AVL9: variants seen among roughly 807,000 people sequenced by gnomAD.
AVL9 encodes late secretory pathway protein AVL9 homolog.
In AVL9, 49 loss-of-function variants were observed where a neutral mutation model predicts 79.2. The observed-to-expected ratio is 0.62, with a 90% CI of 0.49 to 0.79. The LOEUF (loss-of-function observed/expected upper bound fraction) is 0.79. Ranked by LOEUF, AVL9 falls within the 30% of genes least tolerant of loss-of-function variation. The pLI is 0.00. For synonymous variants in AVL9, 299 were observed against 280.6 expected (o/e 1.07, Z -0.65); for missense variants, 682 against 776.8 (o/e 0.88, Z 1.45).
chr7:32,573,066 A>T (rs1221626597), intron 11 of AVL9, 133 bp from the exon 12 acceptor site: 5 of 658,456 alleles, frequency 7.6e-6, no homozygotes, highest in Non-Finnish European at 1.0e-5. Context: ...TCTTTCTTAG[A>T]CTCACCTTTT....
chr7:32,535,545 C>A (rs1788864484), intron 1 of AVL9: 1 of 152,192 alleles, frequency 6.6e-6, no homozygotes, highest in Admixed American at 6.5e-5. Context: ...ACTCACTACC[C>A]ACATTGCAGA....
chr7:32,503,578 T>C (rs1308942360), intron 1 of AVL9, among the ~76,000 whole-genome samples: 6 of 111,028 alleles, frequency 5.4e-5, no homozygotes, highest in Admixed American at 8.7e-5. Context: ...AAAAAAAAAC[T>C]AGATTTGAAA....
intron 1 of AVL9, among the ~76,000 whole-genome samples, chr7:32,515,790 G>A (rs1257836121): frequency 6.6e-6 from 1 of 151,974 alleles, no homozygotes; most frequent in Non-Finnish European, 1.5e-5. Context: ...CATCAGATTT[G>A]ACCAATTCTG....
intron 11 of AVL9, among the ~76,000 whole-genome samples, chr7:32,571,850 A>G (rs192885109): frequency 3.2e-3 from 491 of 152,202 alleles, no homozygotes; most frequent in Middle Eastern, 6.8e-3. Context: ...TAGTATATCA[A>G]ATATTACATA....
At chr7:32,522,681 C>T (rs35472409) in intron 1 of AVL9, among the ~76,000 whole-genome samples, 28,062 of 151,854 alleles carry the variant, frequency 0.18, 2,839 homozygotes, top group South Asian at 0.31. Context: ...TGGGAAGGCA[C>T]GATTGGTTTT....
chr7:32,497,739 C>T (rs896852242), intron 1 of AVL9, among the ~76,000 whole-genome samples: 21 of 151,724 alleles, frequency 1.4e-4, no homozygotes, highest in African/African-American at 4.8e-4. Context: ...ACAAGCTCTG[C>T]CTCCTGGGTT....
chr7:32,548,830 C>G lies in AVL9; in HGVS notation c.301-17C>G, dbSNP rs1186195578. 2 of 1,509,202 alleles carry G rather than the reference C, an allele frequency of 1.3e-6. No homozygotes were observed. Among genetic ancestry groups the G allele is most frequent in the Non-Finnish European group, 1.8e-6 (2 of 1,125,212 alleles). The allele number at this position is 1,509,202 out of a possible 1,614,324, so 93.5% of individuals were successfully genotyped here. The stretch of plus-strand genomic sequence containing the variant: ...GCTATGAAATATTTCTGATAAATTG[C>G]TCTTTGTTCATAATAGGCACTGAAA... On this transcript the variant is annotated splice_polypyrimidine_tract_variant and intron_variant, in intron 3 of 15. Coordinates refer to ENST00000318709, the MANE Select transcript of AVL9 (RefSeq NM_015060.3).
chr7:32,559,027 G>C lies in AVL9; in HGVS notation c.778G>C (p.Asp260His), dbSNP rs764420089. 6.2e-7 allele frequency: 1 copy of C among 1,614,124 alleles called. No individual in the cohort carries two copies. Among genetic ancestry groups the C allele is most frequent in the Non-Finnish European group, 8.5e-7 (1 of 1,179,998 alleles). ...TCAGGAAAGTAACCCATGTGCAGATGATTTTGTTTCTGCATCCACTGCTGA... is the reference window on the plus strand; with the variant it reads ...TCAGGAAAGTAACCCATGTGCAGATCATTTTGTTTCTGCATCCACTGCTGA... ...GLQESNPCAD[D>H]FVSASTADVS... The change falls in exon 10 of 16, where the codon GAT becomes CAT. Residue 260 changes from aspartate (D) to histidine (H), a missense_variant. Transcript: ENST00000318709.
At chr7:32,558,114 A>T (rs1790163474) in intron 8 of AVL9, among the ~76,000 whole-genome samples, 1 of 150,918 alleles carries the variant, frequency 6.6e-6, no homozygotes, top group Non-Finnish European at 1.5e-5. Context: ...TTGGCCTCCC[A>T]AAGTGCTGGG....
chr7:32,543,206 A>G lies in AVL9; in HGVS notation c.159A>G (p.Glu53=). 1 of 1,614,194 alleles carries G rather than the reference A, an allele frequency of 6.2e-7. No homozygotes were observed. The highest frequency in any genetic ancestry group is 1.1e-5 in the South Asian group (1 of 91,088). ...DGHDSHTLPE[E]WKYLPFLALP... is the part of the protein sequence containing the mutation. ...ATGACAGCCACACTTTACCTGAAGA[A>G]TGGAAGTATTTGCCCTTCCTTGCCT... Residue 53 remains glutamate, a synonymous_variant, in exon 2 of 16, where the codon GAA becomes GAG. Transcript: ENST00000318709.
intron 1 of AVL9, among the ~76,000 whole-genome samples, chr7:32,505,926 A>G (rs1787393997): frequency 6.6e-6 from 1 of 152,144 alleles, no homozygotes; most frequent in African/African-American, 2.4e-5. Context: ...AAGTAGAGTC[A>G]TTTTCTTCAC....
intron 1 of AVL9, among the ~76,000 whole-genome samples, chr7:32,527,174 G>A (rs1287612696): frequency 6.6e-6 from 1 of 152,138 alleles, no homozygotes; most frequent in Non-Finnish European, 1.5e-5. Flanking sequence ...AAGGGACTTT[G>A]CCTCCTGAGC....
chr7:32,526,805 A>G (rs1788420438), intron 1 of AVL9, among the ~76,000 whole-genome samples: 1 of 152,132 alleles, frequency 6.6e-6, no homozygotes, highest in Non-Finnish European at 1.5e-5. Context: ...TAAAAAGGGA[A>G]ACAGGAACCC....
rs1786750800 is a variant in AVL9 at position 32,495,520 on chromosome 7, C to T, written c.-190C>T. The T allele has an allele frequency of 2.5e-6, 1 of 396,518 alleles. No homozygotes were observed. The highest frequency in any genetic ancestry group is 1.4e-4 in the South Asian group (1 of 7,188). The allele number at this position is 396,518 out of a possible 1,614,324, so 24.6% of individuals were successfully genotyped here. On this transcript the variant is annotated 5_prime_UTR_variant, in exon 1 of 16. Coordinates refer to ENST00000318709, the MANE Select transcript of AVL9 (RefSeq NM_015060.3). ...GGTGACAGCCCGGAAGCTGCGGAAGCGGATGAGGGAAGGGCGGCCGTGGCC... is the reference window on the plus strand; with the variant it reads ...GGTGACAGCCCGGAAGCTGCGGAAGTGGATGAGGGAAGGGCGGCCGTGGCC...
intron 1 of AVL9, among the ~76,000 whole-genome samples, chr7:32,541,403 G>A (rs1789201374): frequency 6.6e-6 from 1 of 151,852 alleles, no homozygotes. Flanking sequence ...ATAATTACCA[G>A]GACTCCTTAT....
At position 32,517,818 on chromosome 7, in the gene AVL9, T is replaced by TTG. The variant is rs1554335079; in HGVS notation, c.93+22017_93+22018insGT. Among the ~76,000 whole-genome samples, 495 of 150,458 alleles carry TTG rather than the reference T, an allele frequency of 3.3e-3. 2 individuals are homozygous for TTG. The highest frequency in any genetic ancestry group is 6.8e-3 in the Middle Eastern group (2 of 294). On this transcript the variant is annotated intron_variant, in intron 1 of 15. Coordinates refer to ENST00000318709, the MANE Select transcript of AVL9 (RefSeq NM_015060.3). ...AATGATCTTTGCTTGTGTGTTTTTT[T>TTG]TTTGTTTGTTTGTTTTGTTTTGTTT...
intron 11 of AVL9, among the ~76,000 whole-genome samples, chr7:32,572,918 T>C (rs778608671): frequency 1.3e-5 from 2 of 152,156 alleles, no homozygotes; most frequent in Non-Finnish European, 2.9e-5. Context: ...GATTTTTACA[T>C]GTATTTCTAT....
chr7:32,570,088 G>A lies in AVL9; in HGVS notation c.1284G>A (p.Gly428=). The change falls in exon 11 of 16, where the codon GGG becomes GGA. Residue 428 remains glycine, a synonymous_variant. Transcript: ENST00000318709. ...HHLLSDVTVR[G]FVAGATNILF... ...TTCTCTCCGATGTCACCGTTCGGGG[G>A]TTTGTTGCTGGAGCTACTAACATCC... The A allele has an allele frequency of 4.3e-6, 7 of 1,614,196 alleles. No individual in the cohort carries two copies. Among genetic ancestry groups the A allele is most frequent in the Middle Eastern group, 1.6e-4 (1 of 6,062 alleles).
intron 4 of AVL9, among the ~76,000 whole-genome samples, 156 bp from the exon 5 acceptor site, chr7:32,551,178 T>C (rs1789797947): frequency 6.6e-6 from 1 of 152,204 alleles, no homozygotes; most frequent in Admixed American, 6.5e-5. Context: ...ACTTCACGGC[T>C]TTCAACTATG....
Sources: allele counts gnomAD v4.1 joint callset (sites outside exome capture counted in the v4.1 genomes callset), GRCh38; gene constraint gnomAD v4.1.1; transcripts MANE v1.5; gene names NCBI Gene and HGNC (gene_info 2026-07-23, HGNC 2026-07-21).